Variants in DHX30 observed in about 807,000 individuals in gnomAD.
The protein encoded by DHX30 is DExH-box helicase 30, also known as ATP-dependent RNA helicase DHX30.
A neutral mutation model predicts 116.9 loss-of-function variants in DHX30; 4 were observed. The ratio of observed to expected loss-of-function variants is 0.03; its 90% CI spans 0.02 to 0.08. The LOEUF (loss-of-function observed/expected upper bound fraction) is 0.08. Ranked by LOEUF, DHX30 falls within the 10% of genes least tolerant of loss-of-function variation. The pLI is 1.00. For synonymous variants in DHX30, 697 were observed against 651.7 expected, an observed-to-expected ratio of 1.07 and a Z score of -1.06; for missense variants, 871 against 1,595.1, an observed-to-expected ratio of 0.55 and a Z score of 7.73.
chr3:47,842,972 T>C, intron 8 of DHX30, 134 bp from the exon 9 acceptor site: 2 of 1,145,450 alleles, frequency 1.7e-6, no homozygotes, highest in South Asian at 1.5e-5. Context: ...GCAGCACCTC[T>C]AGCATGGCTC....
At chr3:47,837,871 G>A (rs1188437857) in intron 6 of DHX30, among the ~76,000 whole-genome samples, 2 of 152,204 alleles carry the variant, frequency 1.3e-5, no homozygotes, top group Non-Finnish European at 2.9e-5. Context: ...GCCAGCAGGG[G>A]GAGCTGTGGA....
Position 47,849,773 on chromosome 3 carries a change from G to A in DHX30, c.3331+4G>A. 6.2e-7 allele frequency: 1 copy of A among 1,610,846 alleles called. No individual in the cohort carries two copies. Among genetic ancestry groups the A allele is most frequent in the South Asian group, 1.1e-5 (1 of 90,752 alleles). On this transcript the variant is annotated splice_donor_region_variant and intron_variant, in intron 21 of 21. Coordinates refer to ENST00000445061, the MANE Select transcript of DHX30 (RefSeq NM_138615.3). Reference sequence around the variant, plus strand: ...GACGGGGACGTGCACATCCGTGGTGGGTGCCTGCAGGCCTCCCGCCCACCC... The same window carrying A: ...GACGGGGACGTGCACATCCGTGGTGAGTGCCTGCAGGCCTCCCGCCCACCC...
Position 47,841,608 on chromosome 3 carries a change from T to C in DHX30, c.669-9T>C. 6.2e-7 allele frequency: 1 copy of C among 1,613,988 alleles called. No homozygotes were observed. The highest frequency in any genetic ancestry group is 8.5e-7 in the Non-Finnish European group (1 of 1,179,956). ...AGAATTCTTTCAGTTAAACTTTTGG[T>C]CCTCCCAGGGGGAGTTCCTTTGAGA... On this transcript the variant is annotated splice_polypyrimidine_tract_variant and intron_variant, in intron 7 of 21. Coordinates refer to ENST00000445061, the MANE Select transcript of DHX30 (RefSeq NM_138615.3).
At chr3:47,819,346 C>A in intron 4 of DHX30, 1 of 1,266,396 alleles carries the variant, frequency 7.9e-7, no homozygotes, top group African/African-American at 1.5e-5. Flanking sequence ...GTTGGCTAGG[C>A]AGTGCCTTCT....
At chr3:47,845,149 C>G (rs1303863395) in intron 9 of DHX30, among the ~76,000 whole-genome samples, 2 of 152,102 alleles carry the variant, frequency 1.3e-5, no homozygotes, top group African/African-American at 4.8e-5. Context: ...TAGGGCTGTT[C>G]TGCTGTGACA....
At chr3:47,806,144 ATT>A (rs779592393) in intron 2 of DHX30, among the ~76,000 whole-genome samples, 44 of 97,750 alleles carry the variant, frequency 4.5e-4, no homozygotes, top group Non-Finnish European at 3.7e-4. Flanking sequence ...ATTTTTTTGT[ATT>A]TTTTTTTTTT....
In DHX30 at chr3:47,843,122, A is replaced by G. The variant is rs549663107; in HGVS notation, c.806A>G (p.His269Arg). Reference protein sequence around the residue: ...SSTAKNLMQFHTVGTKTKLST... With the variant: ...SSTAKNLMQFRTVGTKTKLST... ...TCCATGTAGAACCTCATGCAGTTCC[A>G]TACTGTGGGCACCAAGACCAAGCTG... Residue 269 changes from histidine (H) to arginine (R), a missense_variant, in exon 9 of 22, where the codon CAT (histidine) becomes CGT (arginine). Physicochemically the swap from His to Arg is conservative, Grantham distance 29. Coordinates refer to ENST00000445061, the MANE Select transcript of DHX30 (RefSeq NM_138615.3). 1 of 1,614,218 alleles carries G rather than the reference A, an allele frequency of 6.2e-7. No individual in the cohort carries two copies. The highest frequency in any genetic ancestry group is 8.5e-7 in the Non-Finnish European group (1 of 1,180,028).
chr3:47,839,666 T>C (rs2037277411), intron 6 of DHX30, among the ~76,000 whole-genome samples: 1 of 151,714 alleles, frequency 6.6e-6, no homozygotes. Context: ...GTGGGCTACA[T>C]AGGTTTTTTT....
Position 47,847,541 on chromosome 3 carries a change from G to A in DHX30, c.2110+5G>A, listed in dbSNP as rs1368690765. The A allele has an allele frequency of 5.6e-6, 9 of 1,594,794 alleles. No individual in the cohort carries two copies. The highest frequency in any genetic ancestry group is 6.8e-6 in the Non-Finnish European group (8 of 1,170,176). On this transcript the variant is annotated splice_donor_5th_base_variant and intron_variant, in intron 13 of 21. Transcript: ENST00000445061. This position sits in a 1 kb window ranked among gnomAD's most constrained non-coding sequence, Gnocchi z 5.5. Reference sequence around the variant, plus strand: ...GCAAGTACCTCATCCTGCCAGGTGAGAGCCCCGGCGGAGGGACCAGGGACC... The same window carrying A: ...GCAAGTACCTCATCCTGCCAGGTGAAAGCCCCGGCGGAGGGACCAGGGACC...
At chr3:47,803,234 C>A in intron 1 of DHX30, 22 bp downstream of exon 1, 1 of 392,992 alleles carries the variant, frequency 2.5e-6, no homozygotes, top group Non-Finnish European at 4.5e-6. Context: ...TTTTTATTCT[C>A]CCCTTTCGTG....
At chr3:47,839,003 C>T (rs934081913) in intron 6 of DHX30, among the ~76,000 whole-genome samples, 6 of 150,948 alleles carry the variant, frequency 4.0e-5, no homozygotes, top group Non-Finnish European at 7.4e-5. Context: ...CCTCCCAAGT[C>T]TCTGGGACTA....
intron 5 of DHX30, 90 bp downstream of exon 5, chr3:47,827,567 G>T (rs1302853517): frequency 2.7e-6 from 4 of 1,487,982 alleles, no homozygotes; most frequent in Middle Eastern, 1.8e-4. Flanking sequence ...TGTCAAGGAG[G>T]CCATAGAATG....
chr3:47,807,726 A>C (rs1469570356), intron 2 of DHX30, among the ~76,000 whole-genome samples: 1 of 150,750 alleles, frequency 6.6e-6, no homozygotes, highest in East Asian at 1.9e-4. Context: ...AAAAAAAAAA[A>C]AGCAAAATCA....
At chr3:47,803,575 C>T (rs922125595) in intron 1 of DHX30, among the ~76,000 whole-genome samples, 2 of 152,162 alleles carry the variant, frequency 1.3e-5, no homozygotes, top group African/African-American at 4.8e-5. Context: ...CCAGGCAGGG[C>T]CTGGAGGAAG....
chr3:47,819,175 CA>C lies in DHX30; in HGVS notation c.124+1062del, dbSNP rs543341083. 3.7e-6 allele frequency: 5 copies of C among 1,352,578 alleles called. No homozygotes were observed. The East Asian group carries it at 1.4e-4, about 37-fold the overall frequency. The allele number at this position is 1,352,578 out of a possible 1,614,324, so 83.8% of individuals were successfully genotyped here. ...AGAAATGCCACCCCCCTACCGTTAC[CA>C]AAACAAGAGTTGATTGCCCTTTTTT... On this transcript the variant is annotated intron_variant, in intron 4 of 21. Transcript: ENST00000445061.
intron 6 of DHX30, among the ~76,000 whole-genome samples, chr3:47,837,062 C>T (rs1178223246): frequency 3.3e-5 from 5 of 152,086 alleles, no homozygotes; most frequent in Admixed American, 6.6e-5. Flanking sequence ...AAGGTGTCCA[C>T]GGGAGGACAT....
intron 3 of DHX30, among the ~76,000 whole-genome samples, chr3:47,814,266 A>T (rs1368045100): frequency 6.6e-6 from 1 of 150,816 alleles, no homozygotes; most frequent in Non-Finnish European, 1.5e-5. Context: ...CTCTACTAAA[A>T]AAAAATAAAA....
At chr3:47,837,861 G>A (rs776227372) in intron 6 of DHX30, among the ~76,000 whole-genome samples, 1 of 152,204 alleles carries the variant, frequency 6.6e-6, no homozygotes, top group Non-Finnish European at 1.5e-5. Flanking sequence ...GGCAGCATGC[G>A]CCAGCAGGGG....
At chr3:47,823,154 A>C (rs962236789) in intron 4 of DHX30, among the ~76,000 whole-genome samples, 2 of 151,726 alleles carry the variant, frequency 1.3e-5, no homozygotes, top group African/African-American at 4.8e-5. Context: ...AATCTATCAG[A>C]TCTCTTGAGA....
Sources: allele counts gnomAD v4.1 joint callset (sites outside exome capture counted in the v4.1 genomes callset), GRCh38; gene constraint gnomAD v4.1.1; non-coding constraint Gnocchi (gnomAD v3.1); transcripts MANE v1.5; gene names NCBI Gene and HGNC (gene_info 2026-07-23, HGNC 2026-07-21).